The following RFX4 variants were observed in gnomAD, a reference collection of about 807,000 sequenced individuals.
RFX4 encodes transcription factor RFX4.
RFX4 carries 10 observed loss-of-function variants against 95.0 expected under a neutral mutation model. The observed-to-expected ratio is 0.11, with a 90% CI of 0.06 to 0.18. The LOEUF (loss-of-function observed/expected upper bound fraction) is 0.18. Among genes scored for constraint, RFX4 ranks in the 10% least tolerant of loss-of-function variants. The pLI, the probability that RFX4 is intolerant of heterozygous loss-of-function variation, is 1.00. For synonymous variants in RFX4, 321 were observed against 340.7 expected (o/e 0.94, Z 0.64); for missense variants, 640 against 922.0 (o/e 0.69, Z 3.96).
chr12:106,729,308 T>C (rs1373388097), intron 13 of RFX4, among the ~76,000 whole-genome samples: 2 of 152,242 alleles, frequency 1.3e-5, no homozygotes, highest in Non-Finnish European at 2.9e-5. Flanking sequence ...TTTGATGCTA[T>C]CTTTTGACTT....
chr12:106,702,778 C>G (rs899850401), intron 8 of RFX4, among the ~76,000 whole-genome samples: 3 of 152,164 alleles, frequency 2.0e-5, no homozygotes, highest in Non-Finnish European at 4.4e-5. Flanking sequence ...CTGGGGTCAA[C>G]AGTGTTTTCT....
intron 4 of RFX4, among the ~76,000 whole-genome samples, chr12:106,677,489 C>A (rs1353249709): frequency 2.0e-5 from 3 of 152,082 alleles, no homozygotes; most frequent in African/African-American, 7.2e-5. Context: ...GAGTGGGCAG[C>A]AAGAAGACAT....
chr12:106,693,367 G>T (rs896079645), intron 7 of RFX4, among the ~76,000 whole-genome samples: 2 of 152,166 alleles, frequency 1.3e-5, no homozygotes, highest in Non-Finnish European at 2.9e-5. Flanking sequence ...CTGCTGAGGA[G>T]ACTGATTTTG....
chr12:106,762,401 T>A lies in RFX4; in HGVS notation c.*932T>A, dbSNP rs2043220197. 1 of 152,652 alleles carries A rather than the reference T, an allele frequency of 6.6e-6. No individual in the cohort carries two copies. The highest frequency in any genetic ancestry group is 2.4e-5 in the African/African-American group (1 of 41,460). 9.5% of individuals were successfully genotyped at this position (152,652 alleles called of 1,614,324 possible). A position where few individuals can be genotyped will look rare whatever the true frequency, so the allele number is the denominator to read the frequency against. On this transcript the variant is annotated 3_prime_UTR_variant, in exon 18 of 18. Coordinates refer to ENST00000392842, the MANE Select transcript of RFX4 (RefSeq NM_213594.3). The stretch of plus-strand genomic sequence containing the variant: ...TCACGGTTCCTTCATAAAACTATAA[T>A]AATATCCGACACTTTGATAGAAAAA...
In RFX4 at chr12:106,620,641, T is replaced by C. The variant is rs113517379; in HGVS notation, c.130+11758T>C. 1.7e-3 allele frequency among the ~76,000 whole-genome samples: 255 copies of C among 152,238 alleles called. 1 individual carries two copies. The highest frequency in any genetic ancestry group is 3.4e-3 in the Middle Eastern group (1 of 294). On this transcript the variant is annotated intron_variant, in intron 2 of 17. Coordinates refer to ENST00000392842, the MANE Select transcript of RFX4 (RefSeq NM_213594.3). Reference sequence around the variant, plus strand: ...GAGGGTCTATGTTCAGCGGTGCATGTATTGTCTTGATAAACATCTTAAAAA... The same window carrying C: ...GAGGGTCTATGTTCAGCGGTGCATGCATTGTCTTGATAAACATCTTAAAAA...
chr12:106,602,154 G>A (rs1337249028), intron 1 of RFX4, among the ~76,000 whole-genome samples: 2 of 152,232 alleles, frequency 1.3e-5, no homozygotes, highest in African/African-American at 4.8e-5. Context: ...CTGGATCTGA[G>A]TTTCATTCTT....
At chr12:106,683,903 CCT>C (rs1426180957) in intron 5 of RFX4, among the ~76,000 whole-genome samples, 1 of 151,944 alleles carries the variant, frequency 6.6e-6, no homozygotes, top group Non-Finnish European at 1.5e-5. Flanking sequence ...GGCAAAATAC[CCT>C]CTTTAAAAAT....
chr12:106,629,237 G>A (rs747214641), intron 2 of RFX4, among the ~76,000 whole-genome samples: 17 of 152,064 alleles, frequency 1.1e-4, no homozygotes, highest in Non-Finnish European at 2.1e-4. Flanking sequence ...CCCATTGTGA[G>A]GATGCATTCT....
At chr12:106,715,862 C>CTTAT (rs796110882) in intron 11 of RFX4, among the ~76,000 whole-genome samples, 10 of 152,264 alleles carry the variant, frequency 6.6e-5, no homozygotes, top group African/African-American at 2.4e-4. Flanking sequence ...AGAACAAAAG[C>CTTAT]TTATTGCCTC....
chr12:106,732,030 G>A, intron 13 of RFX4, 100 bp from the exon 14 acceptor site: 3 of 1,512,232 alleles, frequency 2.0e-6, no homozygotes, highest in Non-Finnish European at 2.7e-6. Context: ...CTCTTGAGCA[G>A]AGCATTTAGA....
intron 6 of RFX4, 107 bp downstream of exon 6, chr12:106,687,204 A>T: frequency 4.1e-6 from 3 of 734,828 alleles, no homozygotes; most frequent in South Asian, 1.8e-5. Context: ...ACACACACAC[A>T]CACACACACA....
At chr12:106,665,323 GT>G (rs2041154570) in intron 4 of RFX4, among the ~76,000 whole-genome samples, 1 of 151,762 alleles carries the variant, frequency 6.6e-6, no homozygotes, top group Non-Finnish European at 1.5e-5. Context: ...CTTTTGATTA[GT>G]ATTATCATAG....
At chr12:106,655,985 C>A (rs772746238) in intron 4 of RFX4, among the ~76,000 whole-genome samples, 26 of 152,186 alleles carry the variant, frequency 1.7e-4, no homozygotes, top group Non-Finnish European at 3.8e-4. Flanking sequence ...GTAGAAACTC[C>A]AATTTGCCTG....
intron 15 of RFX4, among the ~76,000 whole-genome samples, chr12:106,746,786 G>C (rs1243968740): frequency 1.3e-5 from 2 of 152,192 alleles, no homozygotes; most frequent in African/African-American, 4.8e-5. Flanking sequence ...AACACCTGTT[G>C]AGTTGAGCGC....
At chr12:106,721,349 G>A (rs1289062793) in intron 13 of RFX4, among the ~76,000 whole-genome samples, 1 of 152,066 alleles carries the variant, frequency 6.6e-6, no homozygotes, top group East Asian at 1.9e-4. Context: ...CCTAAAAGAG[G>A]GCATTTGCAT....
intron 2 of RFX4, among the ~76,000 whole-genome samples, chr12:106,619,797 G>A (rs1420365230): frequency 6.6e-6 from 1 of 151,678 alleles, no homozygotes; most frequent in Non-Finnish European, 1.5e-5. Context: ...CCTCAGTTTT[G>A]TATTTTTTTA....
chr12:106,601,679 C>T (rs1042914529), intron 1 of RFX4, among the ~76,000 whole-genome samples: 8 of 152,238 alleles, frequency 5.3e-5, no homozygotes, highest in African/African-American at 1.7e-4. Context: ...TTGAACACCA[C>T]GGCTGGCTCC....
chr12:106,708,349 T>C (rs2042126364), intron 8 of RFX4, among the ~76,000 whole-genome samples: 1 of 151,536 alleles, frequency 6.6e-6, no homozygotes, highest in African/African-American at 2.4e-5. Context: ...GTATGTTTTT[T>C]TTTTTTCCCT....
At chr12:106,676,243 C>T (rs879469603) in intron 4 of RFX4, among the ~76,000 whole-genome samples, 3 of 152,012 alleles carry the variant, frequency 2.0e-5, no homozygotes, top group Non-Finnish European at 4.4e-5. Context: ...GCTCTGAGGG[C>T]ACAGGTAGTG....
Sources: gnomAD v4.1 joint callset for allele counts (sites outside exome capture counted in the v4.1 genomes callset) on GRCh38, gnomAD v4.1.1 for gene constraint, MANE v1.5 for transcripts, NCBI Gene and HGNC (gene_info 2026-07-23, HGNC 2026-07-21) for gene names.